The following CDK8 variants were observed in gnomAD, a reference collection of about 807,000 sequenced individuals.
The protein encoded by CDK8 is cyclin dependent kinase 8.
CDK8 carries 29 observed loss-of-function variants against 71.5 expected under a neutral mutation model. The observed-to-expected ratio is 0.41, with a 90% CI of 0.30 to 0.55. CDK8 has a LOEUF of 0.55. Ranked by LOEUF, CDK8 falls within the 20% of genes least tolerant of loss-of-function variation. The pLI is 0.37. For missense variants in CDK8, 288 were observed against 572.6 expected (o/e 0.50, Z 5.07); for synonymous variants, 161 against 192.1 (o/e 0.84, Z 1.34).
At chr13:26,376,740 T>C (rs1874969931) in intron 4 of CDK8, among the ~76,000 whole-genome samples, 1 of 152,184 alleles carries the variant, frequency 6.6e-6, no homozygotes, top group Non-Finnish European at 1.5e-5. Flanking sequence ...TTGCCTAAAA[T>C]AGGCAGCTTA....
intron 1 of CDK8, among the ~76,000 whole-genome samples, chr13:26,255,461 T>G (rs1434861347): frequency 6.6e-6 from 1 of 152,234 alleles, no homozygotes; most frequent in Non-Finnish European, 1.5e-5. Flanking sequence ...CGGCTGGCAG[T>G]GAACTTTAAA....
intron 1 of CDK8, among the ~76,000 whole-genome samples, chr13:26,317,794 AG>A (rs1874582389): frequency 6.6e-6 from 1 of 152,196 alleles, no homozygotes; most frequent in Admixed American, 6.5e-5. Context: ...CAGCAAAAGC[AG>A]TAGTAAGGGG....
At chr13:26,375,472 G>A (rs1253127069) in intron 4 of CDK8, among the ~76,000 whole-genome samples, 1 of 152,180 alleles carries the variant, frequency 6.6e-6, no homozygotes, top group African/African-American at 2.4e-5. Flanking sequence ...AAATGGAAAT[G>A]CAAAATGATT....
Position 26,368,828 on chromosome 13 carries a change from G to A in CDK8, c.457-13986G>A, listed in dbSNP as rs145066750. On this transcript the variant is annotated intron_variant, in intron 4 of 12. Coordinates refer to ENST00000381527, the MANE Select transcript of CDK8 (RefSeq NM_001260.3). ...TTGCTTTTTCTGCGTCTTCTGGGAT[G>A]ATCATATGGTTATTTCCTTTAATCC... Among the ~76,000 whole-genome samples the A allele has an allele frequency of 1.8e-3, 270 of 152,222 alleles. 1 individual carries two copies. The highest frequency in any genetic ancestry group is 3.4e-3 in the Middle Eastern group (1 of 294).
chr13:26,257,411 G>A (rs1254162452), intron 1 of CDK8, among the ~76,000 whole-genome samples: 1 of 152,114 alleles, frequency 6.6e-6, no homozygotes, highest in Non-Finnish European at 1.5e-5. Flanking sequence ...TCATTTCTTT[G>A]ACTTACTTGA....
At chr13:26,335,731 T>A (rs1415160026) in intron 1 of CDK8, among the ~76,000 whole-genome samples, 1 of 152,088 alleles carries the variant, frequency 6.6e-6, no homozygotes, top group East Asian at 1.9e-4. Context: ...GGACCCTACT[T>A]CTTATCTGTC....
chr13:26,264,453 T>C (rs1871932696), intron 1 of CDK8, among the ~76,000 whole-genome samples: 1 of 152,118 alleles, frequency 6.6e-6, no homozygotes, highest in Non-Finnish European at 1.5e-5. Context: ...GTAGCTGCAG[T>C]TCTTTTTGTA....
intron 4 of CDK8, among the ~76,000 whole-genome samples, chr13:26,369,451 A>C (rs1472010806): frequency 6.8e-6 from 1 of 147,132 alleles, no homozygotes; most frequent in Non-Finnish European, 1.5e-5. Context: ...CCTGTCTCAA[A>C]AAAAAAAAAA....
intron 2 of CDK8, among the ~76,000 whole-genome samples, chr13:26,342,310 G>A (rs914100353): frequency 4.6e-5 from 7 of 152,150 alleles, no homozygotes; most frequent in African/African-American, 1.7e-4. Flanking sequence ...TCCAAATAGT[G>A]TCATGTAGTG....
In CDK8 at chr13:26,254,536, G is replaced by C; in HGVS notation, c.-106G>C. 3.2e-6 allele frequency: 3 copies of C among 930,214 alleles called. No individual in the cohort carries two copies. The highest frequency in any genetic ancestry group is 4.8e-6 in the Non-Finnish European group (3 of 630,666). The allele number at this position is 930,214 out of a possible 1,614,324, so 57.6% of individuals were successfully genotyped here. A position where few individuals can be genotyped will look rare whatever the true frequency, so the allele number is the denominator to read the frequency against. ...CGGGCTGGTGCTGCGGCCGGCGGGC[G>C]TAGAGCGGGCGGGTTCCCGGGGGCT... is the stretch of plus-strand genomic sequence containing the variant. On this transcript the variant is annotated 5_prime_UTR_variant, in exon 1 of 13. Coordinates refer to ENST00000381527, the MANE Select transcript of CDK8 (RefSeq NM_001260.3). The surrounding 1 kb of genome is among the most constrained non-coding windows in gnomAD (Gnocchi z 6.7).
chr13:26,353,333 G>T (rs1347773335), intron 3 of CDK8, among the ~76,000 whole-genome samples: 3 of 151,124 alleles, frequency 2.0e-5, no homozygotes, highest in Non-Finnish European at 4.4e-5. Context: ...TTTATAACCT[G>T]TGTCATAAAT....
intron 1 of CDK8, among the ~76,000 whole-genome samples, chr13:26,290,279 A>G (rs1264494493): frequency 6.6e-6 from 1 of 152,260 alleles, no homozygotes; most frequent in African/African-American, 2.4e-5. Flanking sequence ...CTTTTCAGAA[A>G]TACACTTAAT....
chr13:26,266,497 A>G (rs1293153245), intron 1 of CDK8, among the ~76,000 whole-genome samples: 3 of 152,194 alleles, frequency 2.0e-5, no homozygotes, highest in African/African-American at 7.2e-5. Context: ...GGCAGCTTGG[A>G]GAAATACTAG....
At chr13:26,286,552 T>C (rs780133957) in intron 1 of CDK8, among the ~76,000 whole-genome samples, 1 of 152,218 alleles carries the variant, frequency 6.6e-6, no homozygotes, top group Non-Finnish European at 1.5e-5. Context: ...TCTGAAATTA[T>C]AAAAATTCTA....
intron 1 of CDK8, among the ~76,000 whole-genome samples, chr13:26,289,116 G>A (rs1873173588): frequency 7.2e-6 from 1 of 138,230 alleles, no homozygotes; most frequent in African/African-American, 2.7e-5. Flanking sequence ...ATGCAGTGGT[G>A]TGATCTCGGC....
rs576652398 is a variant in CDK8, at chr13:26,254,383, C to G, written c.-259C>G. The stretch of plus-strand genomic sequence containing the variant: ...GACACCGCTCCCCACCCCCAGCCCT[C>G]GTCCCTCGGCTCTCCTTCGCCGGGG... On this transcript the variant is annotated 5_prime_UTR_variant, in exon 1 of 13. Coordinates refer to ENST00000381527, the MANE Select transcript of CDK8 (RefSeq NM_001260.3). This position sits in a 1 kb window ranked among gnomAD's most constrained non-coding sequence, Gnocchi z 6.7. The G allele has an allele frequency of 2.9e-6, 1 of 340,480 alleles. No homozygotes were observed. Among genetic ancestry groups the G allele is most frequent in the African/African-American group, 2.2e-5 (1 of 46,400 alleles). The allele number at this position is 340,480 out of a possible 1,614,324, so 21.1% of individuals were successfully genotyped here. A position where few individuals can be genotyped will look rare whatever the true frequency, so the allele number is the denominator to read the frequency against.
rs767001462 is a variant in CDK8 at position 26,397,140 on chromosome 13, A to C, written c.861-13A>C. ...AAGTCTAATATAGCTATTTCATAGT[A>C]TTTCTCTTTCAGGTATACCAACTGC... is the stretch of plus-strand genomic sequence containing the variant. On this transcript the variant is annotated splice_polypyrimidine_tract_variant and intron_variant, in intron 8 of 12. Transcript: ENST00000381527. 1.7e-5 allele frequency: 26 copies of C among 1,485,922 alleles called. No homozygotes were observed. The highest frequency in any genetic ancestry group is 1.7e-4 in the Middle Eastern group (1 of 5,852). 92.0% of individuals were successfully genotyped at this position (1,485,922 alleles called of 1,614,324 possible).
intron 1 of CDK8, among the ~76,000 whole-genome samples, chr13:26,303,496 T>A (rs1873909678): frequency 6.6e-6 from 1 of 152,106 alleles, no homozygotes; most frequent in African/African-American, 2.4e-5. Context: ...AAGACGGGGT[T>A]TTACCATGTT....
intron 1 of CDK8, among the ~76,000 whole-genome samples, chr13:26,316,410 T>C (rs1051103447): frequency 5.3e-5 from 8 of 152,148 alleles, no homozygotes; most frequent in African/African-American, 1.9e-4. Context: ...TGGGTAGTTA[T>C]CATTTTTCCT....
Sources: allele counts gnomAD v4.1 joint callset (sites outside exome capture counted in the v4.1 genomes callset), GRCh38; gene constraint gnomAD v4.1.1; non-coding constraint Gnocchi (gnomAD v3.1); transcripts MANE v1.5; gene names NCBI Gene and HGNC (gene_info 2026-07-23, HGNC 2026-07-21).